Variants in RUSC1 observed in about 807,000 individuals in gnomAD.
The protein encoded by RUSC1 is AP-4 complex accessory subunit RUSC1.
In RUSC1, 40 loss-of-function variants were observed where a neutral mutation model predicts 72.1. The observed-to-expected ratio is 0.55, with a 90% confidence interval of 0.43 to 0.72. RUSC1 has a LOEUF of 0.72. Ranked by LOEUF, RUSC1 falls within the 30% of genes least tolerant of loss-of-function variation. The pLI, the probability that RUSC1 is intolerant of heterozygous loss-of-function variation, is 0.00. For synonymous variants in RUSC1, 512 were observed against 494.2 expected, an observed-to-expected ratio of 1.04 and a Z score of -0.48; for missense variants, 1,092 against 1,172.3, an observed-to-expected ratio of 0.93 and a Z score of 1.00.
chr1:155,321,628 G>A (rs964962662), intron 1 of RUSC1, 60 bp from the exon 2 acceptor site: 1 of 1,269,844 alleles, frequency 7.9e-7, no homozygotes, highest in Non-Finnish European at 1.1e-6. Context: ...AAGTCACCTC[G>A]GTGTCCTTCC....
chr1:155,330,400 C>T lies in RUSC1; in HGVS notation c.2541-3C>T. 1.2e-6 allele frequency: 2 copies of T among 1,612,486 alleles called. No individual in the cohort carries two copies. Among genetic ancestry groups the T allele is most frequent in the Non-Finnish European group, 1.7e-6 (2 of 1,180,008 alleles). On this transcript the variant is annotated splice_polypyrimidine_tract_variant and splice_region_variant and intron_variant, in intron 9 of 9. Coordinates refer to ENST00000368352, the MANE Select transcript of RUSC1 (RefSeq NM_001105203.2). ...CCCAGTATCTTCCTCTGGCTCCCCT[C>T]AGGGCAGTGCGGGCTCTCTGTGATC...
At position 155,327,138 on chromosome 1, in the gene RUSC1, G is replaced by A. The variant is rs960023874; in HGVS notation, c.2414+6G>A. ...AATGGAGCCCTAAAGTCCAGGTAAT[G>A]GGGTACCTTGTCCTTTCTATGACCT... On this transcript the variant is annotated splice_donor_region_variant and intron_variant, in intron 8 of 9. Coordinates refer to ENST00000368352, the MANE Select transcript of RUSC1 (RefSeq NM_001105203.2). 6.3e-7 allele frequency: 1 copy of A among 1,592,700 alleles called. No homozygotes were observed. The highest frequency in any genetic ancestry group is 8.6e-7 in the Non-Finnish European group (1 of 1,167,902).
intron 8 of RUSC1, 103 bp from the exon 9 acceptor site, chr1:155,328,047 T>C: frequency 1.4e-6 from 2 of 1,461,090 alleles, no homozygotes; most frequent in Admixed American, 2.2e-5. Flanking sequence ...TGACCTCTTT[T>C]GAACCACAAT....
intron 9 of RUSC1, 37 bp downstream of exon 9, chr1:155,328,312 C>A (rs1383878662): frequency 6.4e-7 from 1 of 1,557,470 alleles, no homozygotes; most frequent in South Asian, 1.2e-5. Context: ...AGTGTGTAAC[C>A]ATGTATGCTA....
At chr1:155,328,395 G>A (rs941377970) in intron 9 of RUSC1, 120 bp downstream of exon 9, 12 of 1,071,014 alleles carry the variant, frequency 1.1e-5, no homozygotes, top group Non-Finnish European at 1.5e-5. Context: ...GTGCATTGCA[G>A]CTTTTCTATT....
In RUSC1 at chr1:155,325,987, C is replaced by G. The variant is rs1012565528; in HGVS notation, c.1861+77C>G. 7.1e-7 allele frequency: 1 copy of G among 1,405,756 alleles called. No individual in the cohort carries two copies. Among genetic ancestry groups the G allele is most frequent in the African/African-American group, 1.4e-5 (1 of 70,558 alleles). 87.1% of individuals were successfully genotyped at this position (1,405,756 alleles called of 1,614,324 possible). On this transcript the variant is annotated intron_variant, in intron 7 of 9. Transcript: ENST00000368352. The surrounding 1 kb of genome is among the most constrained non-coding windows in gnomAD (Gnocchi z 6.5). ...AGGAAAGAGTTCTCTCCTGCTGGTT[C>G]CCACTGCTGCCAGAATGCCATTAAT...
intron 2 of RUSC1, chr1:155,324,326 T>TTTCC: frequency 1.3e-6 from 2 of 1,586,390 alleles, no homozygotes; most frequent in South Asian, 2.3e-5. Context: ...GGGACCCGGG[T>TTTCC]TTCCCCTTTC....
At chr1:155,327,470 C>T (rs1651544185) in intron 8 of RUSC1, among the ~76,000 whole-genome samples, 2 of 152,076 alleles carry the variant, frequency 1.3e-5, no homozygotes, top group Non-Finnish European at 2.9e-5. Flanking sequence ...GGTATTACAT[C>T]CTGAGAATAC....
Position 155,325,639 on chromosome 1 carries a change from G to T in RUSC1, c.1781G>T (p.Ser594Ile). Reference protein sequence around the residue: ...SRLAPLSSSRSRFHAFILGLL... With the variant: ...SRLAPLSSSRIRFHAFILGLL... ...CTAGCCCCGCTGAGCAGCAGCCGTAGCCGCTTCCATGCCTTTATCCTGGGC... is the reference window on the plus strand; with the variant it reads ...CTAGCCCCGCTGAGCAGCAGCCGTATCCGCTTCCATGCCTTTATCCTGGGC... Residue 594 changes from serine (S) to isoleucine (I), a missense_variant, in exon 6 of 10, where the codon AGC (serine) becomes ATC (isoleucine). Physicochemically the swap from Ser to Ile is moderately radical, Grantham distance 142. Transcript: ENST00000368352. This position sits in a 1 kb window ranked among gnomAD's most constrained non-coding sequence, Gnocchi z 6.5. 6.2e-7 allele frequency: 1 copy of T among 1,613,706 alleles called. No homozygotes were observed. Among genetic ancestry groups the T allele is most frequent in the Non-Finnish European group, 8.5e-7 (1 of 1,180,016 alleles).
chr1:155,324,694 C>T, intron 2 of RUSC1, 151 bp from the exon 3 acceptor site: 1 of 1,553,566 alleles, frequency 6.4e-7, no homozygotes, highest in Non-Finnish European at 8.7e-7. Context: ...GGTCGAGCTA[C>T]CCCGTGCTTC....
rs1396073022 is a variant in RUSC1, at chr1:155,323,281, G to A, written c.1357+151G>A. ...GAGCGCTCCGGGAAAGGGAAACTGGGTGGGTCATTGGGTTATGGGACTAAC... is the reference window on the plus strand; with the variant it reads ...GAGCGCTCCGGGAAAGGGAAACTGGATGGGTCATTGGGTTATGGGACTAAC... On this transcript the variant is annotated intron_variant, in intron 2 of 9. Coordinates refer to ENST00000368352, the MANE Select transcript of RUSC1 (RefSeq NM_001105203.2). 77 of 869,384 alleles carry A rather than the reference G, an allele frequency of 8.9e-5. 1 individual carries two copies. 53.9% of individuals were successfully genotyped at this position (869,384 alleles called of 1,614,324 possible). A position where few individuals can be genotyped will look rare whatever the true frequency, so the allele number is the denominator to read the frequency against.
At chr1:155,323,255 G>A in intron 2 of RUSC1, 125 bp downstream of exon 2, 1 of 1,116,344 alleles carries the variant, frequency 9.0e-7, no homozygotes, top group Non-Finnish European at 1.2e-6. Context: ...CTTCTACCAG[G>A]GAGCGCTCCG....
intron 1 of RUSC1, 118 bp downstream of exon 1, chr1:155,321,109 G>C (rs771059509): frequency 1.4e-6 from 2 of 1,388,184 alleles, no homozygotes; most frequent in African/African-American, 2.9e-5. Context: ...GAACGATGGA[G>C]ACGAATGCGG....
chr1:155,320,928 G>A lies in RUSC1; in HGVS notation c.-150G>A, dbSNP rs775408370. On this transcript the variant is annotated 5_prime_UTR_variant, in exon 1 of 10. Coordinates refer to ENST00000368352, the MANE Select transcript of RUSC1 (RefSeq NM_001105203.2). ...CCCCTCCCCTCCCGCTCTGTGCCCC[G>A]CCGGGCGGGGACCGTGGGAGCCGCG... 6.3e-6 allele frequency: 10 copies of A among 1,577,312 alleles called. No individual in the cohort carries two copies. The highest frequency in any genetic ancestry group is 4.7e-5 in the East Asian group (2 of 42,850).
rs962179746 is a variant in RUSC1 at position 155,325,776 on chromosome 1, C to A, written c.1815-88C>A. ...CTCACATCCCCAGAGAAGGCCCCCC[C>A]TCTTCCAATCTCATCTCCCATCCTC... is the stretch of plus-strand genomic sequence containing the variant. On this transcript the variant is annotated intron_variant, in intron 6 of 9. Transcript: ENST00000368352. The surrounding 1 kb of genome is among the most constrained non-coding windows in gnomAD (Gnocchi z 6.5). The A allele has an allele frequency of 1.3e-6, 2 of 1,582,150 alleles. No homozygotes were observed. The highest frequency in any genetic ancestry group is 2.2e-5 in the East Asian group (1 of 44,700).
In RUSC1 at chr1:155,326,456, C is replaced by T; in HGVS notation, c.1862-124C>T. The stretch of plus-strand genomic sequence containing the variant: ...CCTATAGCCCACCACATCCTTCCTC[C>T]TCTCTGCCCCAGTGCCCAGCAGAGT... On this transcript the variant is annotated intron_variant, in intron 7 of 9. Coordinates refer to ENST00000368352, the MANE Select transcript of RUSC1 (RefSeq NM_001105203.2). The surrounding 1 kb of genome is among the most constrained non-coding windows in gnomAD (Gnocchi z 4.7). 1.0e-6 allele frequency: 1 copy of T among 994,914 alleles called. No individual in the cohort carries two copies. The highest frequency in any genetic ancestry group is 1.5e-6 in the Non-Finnish European group (1 of 685,750). 61.6% of individuals were successfully genotyped at this position (994,914 alleles called of 1,614,324 possible). A position where few individuals can be genotyped will look rare whatever the true frequency, so the allele number is the denominator to read the frequency against.
In RUSC1 at chr1:155,323,855, G is replaced by A. The variant is rs547041388; in HGVS notation, c.1357+725G>A. On this transcript the variant is annotated intron_variant, in intron 2 of 9. Coordinates refer to ENST00000368352, the MANE Select transcript of RUSC1 (RefSeq NM_001105203.2). ...TAGCCCCGCGGGCCACGCCTCAGGC[G>A]GGCCGCCCCGCCCACTCTCGCCCGG... 1.8e-4 allele frequency: 172 copies of A among 953,486 alleles called. No individual in the cohort carries two copies. The Middle Eastern group carries it at 3.7e-3, about 21-fold the overall frequency. 59.1% of individuals were successfully genotyped at this position (953,486 alleles called of 1,614,324 possible). A position where few individuals can be genotyped will look rare whatever the true frequency, so the allele number is the denominator to read the frequency against.
At chr1:155,324,241 G>A (rs1352399679) in intron 2 of RUSC1, 2 of 1,458,000 alleles carry the variant, frequency 1.4e-6, no homozygotes, top group Non-Finnish European at 1.8e-6. Context: ...GGCACTAGAG[G>A]TTCTGGCCAC....
rs1650669170 is a variant in RUSC1, at chr1:155,322,395, C to T, written c.622C>T (p.Pro208Ser). 6.2e-7 allele frequency: 1 copy of T among 1,614,178 alleles called. No individual in the cohort carries two copies. The highest frequency in any genetic ancestry group is 1.1e-5 in the South Asian group (1 of 91,086). Residue 208 changes from proline to serine, a missense_variant, in exon 2 of 10, where the codon CCT (proline) becomes TCT (serine). By Grantham distance (74) the Pro-to-Ser change is moderately conservative. Coordinates refer to ENST00000368352, the MANE Select transcript of RUSC1 (RefSeq NM_001105203.2). Reference protein sequence around the residue: ...EEDERAEQDLPTSELLEADDG... With the variant: ...EEDERAEQDLSTSELLEADDG... The stretch of plus-strand genomic sequence containing the variant: ...GGACGAGAGGGCGGAGCAGGATCTC[C>T]CTACCTCTGAGCTCTTAGAGGCGGA...
Sources: gnomAD v4.1 joint callset for allele counts (sites outside exome capture counted in the v4.1 genomes callset) on GRCh38, gnomAD v4.1.1 for gene constraint, Gnocchi (gnomAD v3.1) non-coding constraint, MANE v1.5 for transcripts, NCBI Gene and HGNC (gene_info 2026-07-23, HGNC 2026-07-21) for gene names.